CTNNA3: variants seen among roughly 807,000 people sequenced by gnomAD.
The protein encoded by CTNNA3 is catenin alpha 3.
Under a neutral mutation model 95.7 loss-of-function variants are expected in CTNNA3, and 76 were observed. That is an observed-to-expected ratio of 0.79 (90% CI 0.66 to 0.96). The LOEUF (loss-of-function observed/expected upper bound fraction) is 0.96, where lower values mean the gene tolerates loss of function less well. Ranked by LOEUF, CTNNA3 falls within the 40% of genes least tolerant of loss-of-function variation. The pLI is 0.00. For synonymous variants in CTNNA3, 431 were observed against 374.4 expected (o/e 1.15, Z -1.74); for missense variants, 1,191 against 1,089.8 (o/e 1.09, Z -1.31).
intron 7 of CTNNA3, among the ~76,000 whole-genome samples, chr10:67,107,903 G>A (rs532293915): frequency 6.6e-6 from 1 of 152,284 alleles, no homozygotes; most frequent in South Asian, 2.1e-4. Flanking sequence ...AGCAGGAAGT[G>A]CTCTAGCAGG....
rs774499271 is a variant in CTNNA3, at chr10:66,520,717, G to A, written c.1431C>T (p.Asn477=). ...ATGTACGCTTGTACATTTCCATGGT[G>A]TTTTTGACCGCTTGACTTTTGGGTC... ...AARPKSQAVK[N]TMEMYKRTWE... Residue 477 remains asparagine (N), a synonymous_variant, in exon 11 of 18, where the codon AAC becomes AAT. Transcript: ENST00000433211. 2 of 1,612,474 alleles carry A rather than the reference G, an allele frequency of 1.2e-6. No individual in the cohort carries two copies. The highest frequency in any genetic ancestry group is 1.7e-6 in the Non-Finnish European group (2 of 1,179,206).
At chr10:67,527,778 C>T (rs1840195785) in intron 4 of CTNNA3, among the ~76,000 whole-genome samples, 1 of 152,128 alleles carries the variant, frequency 6.6e-6, no homozygotes, top group Non-Finnish European at 1.5e-5. Context: ...GCAAGCTAGT[C>T]AAGAGCAAAG....
At chr10:66,486,955 C>T (rs902458099) in intron 11 of CTNNA3, among the ~76,000 whole-genome samples, 1 of 151,966 alleles carries the variant, frequency 6.6e-6, no homozygotes, top group African/African-American at 2.4e-5. Flanking sequence ...CACAGAAGGG[C>T]AAATCTTGTA....
chr10:66,174,686 C>T lies in CTNNA3; in HGVS notation c.1885-71437G>A, dbSNP rs563239895. Among the ~76,000 whole-genome samples the T allele has an allele frequency of 4.4e-3, 668 of 152,030 alleles. 3 individuals carry two copies. The highest frequency in any genetic ancestry group is 6.9e-3 in the Non-Finnish European group (467 of 67,978). On this transcript the variant is annotated intron_variant, in intron 13 of 17. Coordinates refer to ENST00000433211, the MANE Select transcript of CTNNA3 (RefSeq NM_013266.4). Reference sequence around the variant, plus strand: ...GGCTAATTTTTTGAATATACAGGTTCTGCAGAGCCAACTGTGGGACTTGAG... The same window carrying T: ...GGCTAATTTTTTGAATATACAGGTTTTGCAGAGCCAACTGTGGGACTTGAG...
intron 10 of CTNNA3, among the ~76,000 whole-genome samples, chr10:66,542,906 A>G (rs1428310014): frequency 6.6e-6 from 1 of 152,168 alleles, no homozygotes; most frequent in Non-Finnish European, 1.5e-5. Context: ...ATACATTAAA[A>G]AAATAAAATA....
chr10:66,219,508 C>A (rs567912533), intron 13 of CTNNA3, among the ~76,000 whole-genome samples: 1 of 152,114 alleles, frequency 6.6e-6, no homozygotes. Context: ...TCTCTCTCAT[C>A]ATTTGCTTTA....
At chr10:66,750,010 C>A (rs1424476789) in intron 9 of CTNNA3, among the ~76,000 whole-genome samples, 3 of 152,096 alleles carry the variant, frequency 2.0e-5, no homozygotes, top group Admixed American at 6.6e-5. Flanking sequence ...ATACGTATAT[C>A]TTCTTTGGTT....
At chr10:66,819,115 A>AG (rs1842206670) in intron 7 of CTNNA3, among the ~76,000 whole-genome samples, 1 of 149,528 alleles carries the variant, frequency 6.7e-6, no homozygotes, top group South Asian at 2.1e-4. Flanking sequence ...AAAAAAAAAA[A>AG]GGTTGGAGTA....
At chr10:67,643,301 A>C (rs1191914052) in intron 2 of CTNNA3, among the ~76,000 whole-genome samples, 1 of 150,966 alleles carries the variant, frequency 6.6e-6, no homozygotes, top group Admixed American at 6.6e-5. Flanking sequence ...GGGGGAACAC[A>C]CTGGGGTCTG....
At chr10:66,422,306 G>A (rs944246970) in intron 11 of CTNNA3, among the ~76,000 whole-genome samples, 1 of 152,070 alleles carries the variant, frequency 6.6e-6, no homozygotes, top group African/African-American at 2.4e-5. Flanking sequence ...CTTGCTAAAT[G>A]AAATAGGCCC....
chr10:67,219,543 T>G, intron 6 of CTNNA3, 64 bp downstream of exon 6: 1 of 1,483,544 alleles, frequency 6.7e-7, no homozygotes, highest in South Asian at 1.5e-5. Context: ...GATCTTCTTC[T>G]GTTTTATTAT....
In CTNNA3 at chr10:66,899,643, C is replaced by G. The variant is rs983948898; in HGVS notation, c.1048-124119G>C. 1.1e-4 allele frequency among the ~76,000 whole-genome samples: 17 copies of G among 152,242 alleles called. No individual in the cohort carries two copies. In the East Asian group the frequency reaches 3.1e-3, roughly 28 times the overall value. ...TGTACCGGGAAAAACGGTACACTTC[C>G]CCCCAAATACTGTGCTTTTCAATGG... On this transcript the variant is annotated intron_variant, in intron 7 of 17. Transcript: ENST00000433211.
At chr10:67,460,846 A>G (rs185306793) in intron 5 of CTNNA3, among the ~76,000 whole-genome samples, 108 of 152,314 alleles carry the variant, frequency 7.1e-4, no homozygotes, top group African/African-American at 2.5e-3. Context: ...TCCAGGTTAG[A>G]AGGTCTCTGA....
intron 11 of CTNNA3, among the ~76,000 whole-genome samples, chr10:66,402,572 A>C (rs2093029084): frequency 6.6e-6 from 1 of 152,178 alleles, no homozygotes; most frequent in East Asian, 1.9e-4. Context: ...GAGATAGAGC[A>C]GGGATACCAC....
chr10:67,515,628 T>C (rs1839787899), intron 5 of CTNNA3, among the ~76,000 whole-genome samples: 1 of 152,172 alleles, frequency 6.6e-6, no homozygotes, highest in Non-Finnish European at 1.5e-5. Flanking sequence ...TTTGATCTGG[T>C]AAATAAGAAA....
Position 66,590,401 on chromosome 10 carries a change from G to A in CTNNA3, c.1374+31291C>T, listed in dbSNP as rs1843509618. ...ACCCGTACCAGACAACTGGATACTG[G>A]CAAAATACATGTTACATATTTCATT... On this transcript the variant is annotated intron_variant, in intron 10 of 17. Coordinates refer to ENST00000433211, the MANE Select transcript of CTNNA3 (RefSeq NM_013266.4). Among the ~76,000 whole-genome samples, 3 of 151,998 alleles carry A rather than the reference G, an allele frequency of 2.0e-5. No individual in the cohort carries two copies. The South Asian group carries it at 6.2e-4, about 32-fold the overall frequency.
intron 7 of CTNNA3, among the ~76,000 whole-genome samples, chr10:66,830,644 C>G (rs954280119): frequency 5.3e-5 from 8 of 151,776 alleles, no homozygotes; most frequent in Middle Eastern, 3.4e-3. Flanking sequence ...GAGTCTAGCT[C>G]TGTTGCCCAG....
intron 9 of CTNNA3, among the ~76,000 whole-genome samples, chr10:66,690,688 T>G (rs1847492378): frequency 6.6e-6 from 1 of 151,978 alleles, no homozygotes. Context: ...TTCCATGGTG[T>G]ATATGTGCCA....
intron 7 of CTNNA3, among the ~76,000 whole-genome samples, chr10:66,969,946 T>C (rs1173756148): frequency 6.6e-6 from 1 of 152,062 alleles, no homozygotes. Flanking sequence ...TACATGAACA[T>C]GAGAGTAACA....
Sources: allele counts gnomAD v4.1 joint callset (sites outside exome capture counted in the v4.1 genomes callset), GRCh38; gene constraint gnomAD v4.1.1; transcripts MANE v1.5; gene names NCBI Gene and HGNC (gene_info 2026-07-23, HGNC 2026-07-21).